The following CSMD1 variants were observed in gnomAD, a reference collection of about 807,000 sequenced individuals.
CSMD1 encodes the protein CUB and Sushi multiple domains 1.
In CSMD1, 213 loss-of-function variants were observed where a neutral mutation model predicts 417.5. The observed-to-expected ratio is 0.51, with a 90% CI of 0.46 to 0.57. The LOEUF (loss-of-function observed/expected upper bound fraction) is 0.57. Among genes scored for constraint, CSMD1 ranks in the 20% least tolerant of loss-of-function variants. CSMD1 has a pLI of 0.00. For missense variants in CSMD1, 6,923 were observed against 4,529.7 expected (o/e 1.53, Z -15.17); for synonymous variants, 2,862 against 1,736.8 (o/e 1.65, Z -16.11).
At chr8:4,690,598 C>T (rs1453211575) in intron 1 of CSMD1, among the ~76,000 whole-genome samples, 2 of 152,134 alleles carry the variant, frequency 1.3e-5, no homozygotes, top group African/African-American at 2.4e-5. Flanking sequence ...TAGCAAAAAG[C>T]ATGCTTGTTC....
At chr8:3,683,411 G>A (rs1419800561) in intron 7 of CSMD1, among the ~76,000 whole-genome samples, 2 of 151,932 alleles carry the variant, frequency 1.3e-5, no homozygotes, top group African/African-American at 2.4e-5. Flanking sequence ...AGTAATTACA[G>A]GCAATGGTTT....
chr8:4,906,359 A>G (rs934516868), intron 1 of CSMD1, among the ~76,000 whole-genome samples: 13 of 152,276 alleles, frequency 8.5e-5, no homozygotes, highest in African/African-American at 2.9e-4. Context: ...CTTGCATACA[A>G]CTTATGTTAT....
intron 5 of CSMD1, among the ~76,000 whole-genome samples, chr8:3,858,882 T>C (rs1431195919): frequency 1.3e-5 from 2 of 152,256 alleles, no homozygotes; most frequent in South Asian, 2.1e-4. Context: ...AGGTTTATCG[T>C]GACAATGTAA....
intron 5 of CSMD1, among the ~76,000 whole-genome samples, chr8:3,835,391 A>T (rs953655456): frequency 6.6e-6 from 1 of 151,800 alleles, no homozygotes; most frequent in African/African-American, 2.4e-5. Flanking sequence ...CGCAGCCATA[A>T]AAAATGATGA....
chr8:3,210,117 G>A (rs1264336247), intron 30 of CSMD1, among the ~76,000 whole-genome samples: 1 of 152,188 alleles, frequency 6.6e-6, no homozygotes, highest in East Asian at 1.9e-4. Context: ...AAGATTTACA[G>A]TGGAGCAAAA....
At chr8:3,796,539 T>C (rs1390973630) in intron 5 of CSMD1, among the ~76,000 whole-genome samples, 1 of 144,900 alleles carries the variant, frequency 6.9e-6, no homozygotes, top group Non-Finnish European at 1.5e-5. Context: ...AAGATATATA[T>C]CTATATCCAT....
intron 5 of CSMD1, among the ~76,000 whole-genome samples, chr8:3,989,010 G>A (rs1490000429): frequency 1.3e-5 from 2 of 152,154 alleles, no homozygotes; most frequent in African/African-American, 4.8e-5. Context: ...AAAAACCATT[G>A]TTCAAAACAC....
chr8:4,906,470 A>G (rs563861518), intron 1 of CSMD1, among the ~76,000 whole-genome samples: 2 of 151,692 alleles, frequency 1.3e-5, no homozygotes, highest in Non-Finnish European at 2.9e-5. Flanking sequence ...TTTGTAGCAA[A>G]GGAATACATC....
chr8:4,938,411 C>T lies in CSMD1; in HGVS notation c.85+55921G>A, dbSNP rs376022825. Reference sequence around the variant, plus strand: ...TACAAATATGACTCCATGCCCACTTCTCATCAACAAGTGGCATATGCATAC... The same window carrying T: ...TACAAATATGACTCCATGCCCACTTTTCATCAACAAGTGGCATATGCATAC... On this transcript the variant is annotated intron_variant, in intron 1 of 69. Transcript: ENST00000635120. 2.6e-5 allele frequency among the ~76,000 whole-genome samples: 4 copies of T among 152,268 alleles called. 1 individual carries two copies. Among genetic ancestry groups the T allele is most frequent in the African/African-American group, 9.6e-5 (4 of 41,532 alleles).
intron 1 of CSMD1, among the ~76,000 whole-genome samples, chr8:4,815,061 A>G (rs1799129317): frequency 6.6e-6 from 1 of 152,110 alleles, no homozygotes; most frequent in Admixed American, 6.5e-5. Context: ...TGACTGGAGG[A>G]AATTAGGTAG....
chr8:3,524,019 GCA>G (rs745673703), intron 10 of CSMD1, among the ~76,000 whole-genome samples: 12,149 of 107,458 alleles, frequency 0.11, 768 homozygotes, highest in African/African-American at 0.25. Flanking sequence ...ATGTGCACGT[GCA>G]CACACACACA....
At chr8:3,692,912 T>A (rs1800331233) in intron 7 of CSMD1, among the ~76,000 whole-genome samples, 1 of 152,200 alleles carries the variant, frequency 6.6e-6, no homozygotes, top group Admixed American at 6.5e-5. Context: ...AAAATGCCAT[T>A]CAATTATCAA....
intron 20 of CSMD1, 58 bp downstream of exon 20, chr8:3,366,974 T>C: frequency 7.6e-7 from 1 of 1,315,590 alleles, no homozygotes; most frequent in Non-Finnish European, 1.1e-6. Context: ...ACATTCTCAC[T>C]AACAGAAATG....
At chr8:4,017,663 A>T (rs1413784824) in intron 4 of CSMD1, among the ~76,000 whole-genome samples, 2 of 151,046 alleles carry the variant, frequency 1.3e-5, no homozygotes, top group South Asian at 2.1e-4. Context: ...CTAATTAAGA[A>T]TTTTTTTTTT....
At chr8:4,705,059 G>T (rs558718579) in intron 1 of CSMD1, among the ~76,000 whole-genome samples, 24 of 152,228 alleles carry the variant, frequency 1.6e-4, no homozygotes, top group African/African-American at 5.8e-4. Context: ...ATGCTAGTGG[G>T]TGAGTTCTCA....
In CSMD1 at chr8:3,068,817, C is replaced by T. The variant is rs73494481; in HGVS notation, c.7475-16170G>A. Among the ~76,000 whole-genome samples the T allele has an allele frequency of 8.2e-3, 1,255 of 152,216 alleles. 16 individuals are homozygous for T. The highest frequency in any genetic ancestry group is 0.028 in the African/African-American group (1,181 of 41,542). ...CCCCCATGATCCAAACATCTCCCAC[C>T]AGACATTACCTCCAGCATTGGGGAT... On this transcript the variant is annotated intron_variant, in intron 49 of 69. Transcript: ENST00000635120.
In CSMD1 at chr8:4,163,135, C is replaced by T. The variant is rs74972200; in HGVS notation, c.416-131036G>A. 8.8e-3 allele frequency among the ~76,000 whole-genome samples: 1,339 copies of T among 152,246 alleles called. 8 individuals are homozygous for T. The highest frequency in any genetic ancestry group is 0.014 in the Middle Eastern group (4 of 294). The stretch of plus-strand genomic sequence containing the variant: ...ACCACAAGTTTATCATTTCACCTAC[C>T]GAAGTACACTTTGGTTGCTTCCAGA... On this transcript the variant is annotated intron_variant, in intron 3 of 69. Transcript: ENST00000635120.
intron 1 of CSMD1, among the ~76,000 whole-genome samples, chr8:4,965,887 A>T (rs1426816856): frequency 7.2e-5 from 11 of 152,172 alleles, no homozygotes; most frequent in Admixed American, 7.2e-4. Context: ...ATATTTACAT[A>T]AGTAGAGAAA....
At chr8:4,747,559 C>T (rs999050147) in intron 1 of CSMD1, among the ~76,000 whole-genome samples, 15 of 152,184 alleles carry the variant, frequency 9.9e-5, no homozygotes, top group Admixed American at 5.2e-4. Context: ...GATCCTCCTA[C>T]GGTGACTATA....
Sources: allele counts gnomAD v4.1 joint callset (sites outside exome capture counted in the v4.1 genomes callset), GRCh38; gene constraint gnomAD v4.1.1; transcripts MANE v1.5; gene names NCBI Gene and HGNC (gene_info 2026-07-23, HGNC 2026-07-21).